Variants in DNAJA2 observed in about 807,000 individuals in gnomAD.
DNAJA2 encodes DnaJ heat shock protein family (Hsp40) member A2.
DNAJA2 carries 6 observed loss-of-function variants against 49.3 expected under a neutral mutation model. That is an observed-to-expected ratio of 0.12 (90% CI 0.07 to 0.24). The LOEUF (loss-of-function observed/expected upper bound fraction) is 0.24. Among genes scored for constraint, DNAJA2 ranks in the 10% least tolerant of loss-of-function variants. The pLI is 1.00. For synonymous variants in DNAJA2, 160 were observed against 172.7 expected, an observed-to-expected ratio of 0.93 and a Z score of 0.58; for missense variants, 347 against 516.8, an observed-to-expected ratio of 0.67 and a Z score of 3.19.
Position 46,960,452 on chromosome 16 carries a change from T to C in DNAJA2, c.775-1033A>G, listed in dbSNP as rs543631382. ...CAAGTGTTCCTCACAATGGGACCAA[T>C]AGTTTTTTTAATGCAGGATTTTTCA... On this transcript the variant is annotated intron_variant, in intron 6 of 8. Coordinates refer to ENST00000317089, the MANE Select transcript of DNAJA2 (RefSeq NM_005880.4). Among the ~76,000 whole-genome samples, 6 of 152,284 alleles carry C rather than the reference T, an allele frequency of 3.9e-5. No individual in the cohort carries two copies. The East Asian group carries it at 5.8e-4, about 15-fold the overall frequency.
Position 46,959,268 on chromosome 16 carries a change from G to T in DNAJA2, c.919+7C>A. On this transcript the variant is annotated splice_region_variant and intron_variant, in intron 7 of 8. Coordinates refer to ENST00000317089, the MANE Select transcript of DNAJA2 (RefSeq NM_005880.4). ...GAAAACCAGAATCGGACAAAATCAA[G>T]ATTTACCTGGTTCAATTACTTTGCC... The T allele has an allele frequency of 5.6e-6, 9 of 1,607,388 alleles. No individual in the cohort carries two copies. Among genetic ancestry groups the T allele is most frequent in the Non-Finnish European group, 7.6e-6 (9 of 1,177,766 alleles).
intron 8 of DNAJA2, 83 bp from the exon 9 acceptor site, chr16:46,957,303 T>G: frequency 4.6e-6 from 6 of 1,318,024 alleles, no homozygotes; most frequent in Non-Finnish European, 6.2e-6. Flanking sequence ...AGTGTCTGTT[T>G]AAGAGTTTAA....
At chr16:46,959,773 G>A (rs976357774) in intron 6 of DNAJA2, among the ~76,000 whole-genome samples, 14 of 152,198 alleles carry the variant, frequency 9.2e-5, no homozygotes, top group African/African-American at 3.4e-4. Context: ...CTACAGAACA[G>A]GCTCACCCTG....
rs1424105802 is a variant in DNAJA2 at position 46,956,901 on chromosome 16, A to C, written c.*128T>G. On this transcript the variant is annotated 3_prime_UTR_variant, in exon 9 of 9. Transcript: ENST00000317089. ...CTCTGTAGATACTATACCAATTTTA[A>C]AAGTTATACATAGACCAACAGATGT... The C allele has an allele frequency of 4.9e-6, 5 of 1,014,464 alleles. No homozygotes were observed. Among genetic ancestry groups the C allele is most frequent in the Non-Finnish European group, 7.5e-6 (5 of 666,380 alleles). The allele number at this position is 1,014,464 out of a possible 1,614,324, so 62.8% of individuals were successfully genotyped here.
chr16:46,972,555 C>T (rs1439077995), intron 1 of DNAJA2: 1 of 153,148 alleles, frequency 6.5e-6, no homozygotes, highest in Non-Finnish European at 1.5e-5. Context: ...TCCTAAAGCA[C>T]TTAAATCTTC....
chr16:46,957,675 C>G (rs1165326870), intron 8 of DNAJA2, among the ~76,000 whole-genome samples: 1 of 152,076 alleles, frequency 6.6e-6, no homozygotes, highest in Non-Finnish European at 1.5e-5. Context: ...AAACTCATCA[C>G]TCACAGGCCA....
chr16:46,973,410 C>A, intron 1 of DNAJA2, 85 bp downstream of exon 1: 1 of 1,348,876 alleles, frequency 7.4e-7, no homozygotes, highest in Non-Finnish European at 9.8e-7. Context: ...CGCGGGCAGC[C>A]CAGTAGCGCG....
rs546019059 is a variant in DNAJA2 at position 46,971,047 on chromosome 16, AAG to A, written c.362+300_362+301del. Among the ~76,000 whole-genome samples the A allele has an allele frequency of 9.2e-5, 14 of 152,000 alleles. No individual in the cohort carries two copies. In the East Asian group the frequency reaches 9.7e-4, roughly 10 times the overall value. On this transcript the variant is annotated intron_variant, in intron 3 of 8. Coordinates refer to ENST00000317089, the MANE Select transcript of DNAJA2 (RefSeq NM_005880.4). ...CGAAACTCGGTCTCAAAAAAAAAAA[AAG>A]AGAGAGAGAGAAAATGATCTTCACA...
chr16:46,970,790 G>C (rs990638119), intron 3 of DNAJA2, among the ~76,000 whole-genome samples: 2 of 133,396 alleles, frequency 1.5e-5, no homozygotes, highest in African/African-American at 5.4e-5. Flanking sequence ...TGTAATCCCA[G>C]CACTTTGGGA....
At chr16:46,972,185 C>A in intron 1 of DNAJA2, 1 of 478,852 alleles carries the variant, frequency 2.1e-6, no homozygotes, top group South Asian at 3.1e-5. Flanking sequence ...GACGTGAAAA[C>A]CAGATAAAAC....
Position 46,964,758 on chromosome 16 carries a change from C to G in DNAJA2, c.627G>C (p.Lys209Asn). Residue 209 changes from lysine to asparagine, a missense_variant, in exon 6 of 9, where the codon AAG becomes AAC. By Grantham distance (94) the Lys-to-Asn change is moderately conservative. Coordinates refer to ENST00000317089, the MANE Select transcript of DNAJA2 (RefSeq NM_005880.4). Reference protein sequence around the residue: ...KDRCKKCEGKKVIKEVKILEV... With the variant: ...KDRCKKCEGKNVIKEVKILEV... The stretch of plus-strand genomic sequence containing the variant: ...CAAGAATCTTGACTTCTTTAATCAC[C>G]TTCTTCCCTTCACATTTTTTACAGC... 6.2e-7 allele frequency: 1 copy of G among 1,613,958 alleles called. No homozygotes were observed. Among genetic ancestry groups the G allele is most frequent in the South Asian group, 1.1e-5 (1 of 91,050 alleles).
intron 3 of DNAJA2, among the ~76,000 whole-genome samples, chr16:46,969,929 C>T (rs1456852972): frequency 2.6e-5 from 4 of 151,890 alleles, no homozygotes; most frequent in African/African-American, 4.8e-5. Flanking sequence ...AAAATATAAA[C>T]GAATTAACCT....
Position 46,970,555 on chromosome 16 carries a change from C to T in DNAJA2, c.362+794G>A, listed in dbSNP as rs55743014. The stretch of plus-strand genomic sequence containing the variant: ...TTCAAGACCAGCTTGGCCAACATGG[C>T]GAAACCCTGTCTCTACTAAAAAATA... On this transcript the variant is annotated intron_variant, in intron 3 of 8. Transcript: ENST00000317089. Among the ~76,000 whole-genome samples, 176 of 151,172 alleles carry T rather than the reference C, an allele frequency of 1.2e-3. 1 individual carries two copies. Among genetic ancestry groups the T allele is most frequent in the African/African-American group, 4.1e-3 (169 of 41,200 alleles).
chr16:46,967,443 G>GT, intron 5 of DNAJA2, 70 bp downstream of exon 5: 2 of 1,589,368 alleles, frequency 1.3e-6, no homozygotes, highest in Non-Finnish European at 1.7e-6. Context: ...ATAAAAAATT[G>GT]TAAACCTCTC....
At chr16:46,969,297 C>T (rs143634546) in intron 3 of DNAJA2, among the ~76,000 whole-genome samples, 32 of 152,304 alleles carry the variant, frequency 2.1e-4, no homozygotes, top group East Asian at 5.8e-4. Context: ...GAATACCACA[C>T]GTATGGACAA....
chr16:46,957,447 CA>C (rs1441939836), intron 8 of DNAJA2, among the ~76,000 whole-genome samples: 1 of 151,848 alleles, frequency 6.6e-6, no homozygotes, highest in Non-Finnish European at 1.5e-5. Flanking sequence ...ACTAAAAATA[CA>C]AAAAATTAGC....
intron 5 of DNAJA2, among the ~76,000 whole-genome samples, chr16:46,967,274 T>C (rs1961985637): frequency 1.3e-5 from 2 of 151,876 alleles, no homozygotes; most frequent in Admixed American, 1.3e-4. Flanking sequence ...CACTTTTTTT[T>C]CCTATAGTAA....
intron 8 of DNAJA2, 26 bp from the exon 9 acceptor site, chr16:46,957,246 G>A: frequency 6.5e-7 from 1 of 1,549,516 alleles, no homozygotes; most frequent in African/African-American, 1.4e-5. Flanking sequence ...CAAAAACCAG[G>A]TTGGTTGTAA....
intron 1 of DNAJA2, chr16:46,972,707 G>A (rs1962071667): frequency 6.6e-6 from 1 of 152,212 alleles, no homozygotes; most frequent in Admixed American, 6.5e-5. Context: ...GCCTGGTGAG[G>A]ATGCTGTGGG....
Sources: gnomAD v4.1 joint callset for allele counts (sites outside exome capture counted in the v4.1 genomes callset) on GRCh38, gnomAD v4.1.1 for gene constraint, MANE v1.5 for transcripts, NCBI Gene and HGNC (gene_info 2026-07-23, HGNC 2026-07-21) for gene names.